Variants in FSTL4 observed in about 807,000 individuals in gnomAD.
FSTL4 encodes the protein follistatin like 4, also known as follistatin-related protein 4.
Under a neutral mutation model 78.2 loss-of-function variants are expected in FSTL4, and 28 were observed. That is an observed-to-expected ratio of 0.36 (90% confidence interval 0.27 to 0.49). FSTL4 has a LOEUF of 0.49. Among genes scored for constraint, FSTL4 ranks in the 20% least tolerant of loss-of-function variants. FSTL4 has a pLI of 0.98. For synonymous variants in FSTL4, 422 were observed against 440.5 expected, an observed-to-expected ratio of 0.96 and a Z score of 0.53; for missense variants, 922 against 1,084.9, an observed-to-expected ratio of 0.85 and a Z score of 2.11.
intron 4 of FSTL4, among the ~76,000 whole-genome samples, chr5:133,387,099 C>T (rs1178231574): frequency 1.3e-5 from 2 of 152,152 alleles, no homozygotes; most frequent in African/African-American, 2.4e-5. Flanking sequence ...AGCAAAGCTG[C>T]ATGAAGTCTT....
chr5:133,527,889 G>A (rs1759169788), intron 3 of FSTL4, among the ~76,000 whole-genome samples: 1 of 152,142 alleles, frequency 6.6e-6, no homozygotes, highest in Non-Finnish European at 1.5e-5. Context: ...CCTTGGCCTT[G>A]CTTGGCTTCC....
chr5:133,418,168 G>A (rs1402790759), intron 3 of FSTL4, among the ~76,000 whole-genome samples: 1 of 151,340 alleles, frequency 6.6e-6, no homozygotes, highest in Non-Finnish European at 1.5e-5. Context: ...GCTAAAATGT[G>A]GTTCTTTAAA....
the FSTL4 span, among the ~76,000 whole-genome samples, chr5:133,655,276 T>G: frequency 6.6e-6 from 1 of 152,196 alleles, no homozygotes; most frequent in Non-Finnish European, 1.5e-5. Context: ...CACCTTAGAT[T>G]AAGCCAGAGC....
At chr5:133,763,961 T>C in the FSTL4 span, among the ~76,000 whole-genome samples, 12 of 152,064 alleles carry the variant, frequency 7.9e-5, no homozygotes, top group Non-Finnish European at 1.2e-4. Context: ...AGCTGCTTCC[T>C]GCTACAGAGA....
At chr5:133,467,355 G>C (rs1050607175) in intron 3 of FSTL4, among the ~76,000 whole-genome samples, 2 of 152,028 alleles carry the variant, frequency 1.3e-5, no homozygotes, top group African/African-American at 2.4e-5. Context: ...GGTGTGAGAA[G>C]CCAGGTTTCC....
In FSTL4 at chr5:133,334,930, G is replaced by A. The variant is rs530114616; in HGVS notation, c.410-18278C>T. On this transcript the variant is annotated intron_variant, in intron 4 of 15. Transcript: ENST00000265342. ...AAGCAGCCTTAGGAGAAGAATACAA[G>A]GCCTAAGAGTCAGGGGATCCCCACT... 1.1e-4 allele frequency among the ~76,000 whole-genome samples: 17 copies of A among 152,266 alleles called. No individual in the cohort carries two copies. In the South Asian group the frequency reaches 3.5e-3, roughly 32 times the overall value.
intron 5 of FSTL4, among the ~76,000 whole-genome samples, chr5:133,315,958 G>A (rs778181626): frequency 6.6e-6 from 1 of 152,210 alleles, no homozygotes; most frequent in Non-Finnish European, 1.5e-5. Flanking sequence ...CAAACCTCAG[G>A]GTGTAATGCA....
intron 7 of FSTL4, among the ~76,000 whole-genome samples, chr5:133,241,215 ATTAAAC>A (rs1751863166): frequency 6.6e-6 from 1 of 152,216 alleles, no homozygotes; most frequent in Non-Finnish European, 1.5e-5. Flanking sequence ...TTTTTGCTGT[ATTAAAC>A]TTTAACTGTG....
At chr5:133,650,824 A>G in the FSTL4 span, among the ~76,000 whole-genome samples, 1 of 152,158 alleles carries the variant, frequency 6.6e-6, no homozygotes, top group South Asian at 2.1e-4. Context: ...TCCACAATCC[A>G]TATATCAAGT....
chr5:133,661,205 G>T, the FSTL4 span, among the ~76,000 whole-genome samples: 272 of 152,282 alleles, frequency 1.8e-3, 1 homozygote, highest in Middle Eastern at 6.8e-3. Context: ...GGCCAGGCTG[G>T]TCTCGAACTC....
At chr5:133,485,057 C>T (rs1758104341) in intron 3 of FSTL4, among the ~76,000 whole-genome samples, 1 of 152,212 alleles carries the variant, frequency 6.6e-6, no homozygotes, top group Non-Finnish European at 1.5e-5. Context: ...GATTTTAAAA[C>T]ATTAATATTA....
At chr5:133,289,734 G>A (rs1753214538) in intron 6 of FSTL4, among the ~76,000 whole-genome samples, 1 of 152,202 alleles carries the variant, frequency 6.6e-6, no homozygotes, top group African/African-American at 2.4e-5. Context: ...TGCCTCCAGA[G>A]CTGCCCAAAG....
At chr5:133,524,712 T>A (rs888875608) in intron 3 of FSTL4, among the ~76,000 whole-genome samples, 10 of 152,112 alleles carry the variant, frequency 6.6e-5, no homozygotes, top group African/African-American at 2.4e-4. Context: ...AATACTGCAG[T>A]GATTCAAACG....
At chr5:133,840,127 T>C in the FSTL4 span, among the ~76,000 whole-genome samples, 1 of 152,262 alleles carries the variant, frequency 6.6e-6, no homozygotes, top group African/African-American at 2.4e-5. Context: ...ATTACAGGCA[T>C]TGCTGCCTGT....
the FSTL4 span, among the ~76,000 whole-genome samples, chr5:133,636,090 T>C: frequency 4.1e-4 from 63 of 152,272 alleles, no homozygotes; most frequent in Non-Finnish European, 7.5e-4. Context: ...GTATGTTGAA[T>C]GAAAGAATAA....
At chr5:133,765,401 T>C in the FSTL4 span, among the ~76,000 whole-genome samples, 135,348 of 152,264 alleles carry the variant, frequency 0.89, 60,374 homozygotes, top group African/African-American at 0.97. Flanking sequence ...TAATTCATCA[T>C]GAAGGCACCC....
intron 3 of FSTL4, among the ~76,000 whole-genome samples, chr5:133,530,812 C>G (rs1759235448): frequency 6.6e-6 from 1 of 152,324 alleles, no homozygotes; most frequent in South Asian, 2.1e-4. Flanking sequence ...TATACCCAGG[C>G]CCCACACCCC....
chr5:133,785,723 T>C, the FSTL4 span, among the ~76,000 whole-genome samples: 33 of 152,266 alleles, frequency 2.2e-4, no homozygotes, highest in African/African-American at 7.5e-4. Flanking sequence ...CCAAGTGGTG[T>C]GGCTCAGGGT....
At chr5:133,546,930 G>A (rs148105199) in intron 3 of FSTL4, among the ~76,000 whole-genome samples, 6 of 152,266 alleles carry the variant, frequency 3.9e-5, no homozygotes, top group African/African-American at 1.4e-4. Context: ...ATGGGGGCAT[G>A]GCTTCCTCCC....
Sources: gnomAD v4.1 joint callset for allele counts (sites outside exome capture counted in the v4.1 genomes callset) on GRCh38, gnomAD v4.1.1 for gene constraint, MANE v1.5 for transcripts, NCBI Gene and HGNC (gene_info 2026-07-23, HGNC 2026-07-21) for gene names.